SPIDR: variants seen among roughly 807,000 people sequenced by gnomAD.
SPIDR encodes the protein scaffold protein involved in DNA repair.
A neutral mutation model predicts 104.6 loss-of-function variants in SPIDR; 93 were observed. The observed-to-expected ratio is 0.89, with a 90% CI of 0.75 to 1.06. The LOEUF (loss-of-function observed/expected upper bound fraction) is 1.06. Ranked by LOEUF, SPIDR falls within the 50% of genes least tolerant of loss-of-function variation. SPIDR has a pLI of 0.00. For synonymous variants in SPIDR, 431 were observed against 416.9 expected (o/e 1.03, Z -0.41); for missense variants, 1,154 against 1,111.2 (o/e 1.04, Z -0.55).
chr8:47,510,909 C>G, intron 8 of SPIDR: 1 of 534,658 alleles, frequency 1.9e-6, no homozygotes, highest in Non-Finnish European at 3.3e-6. Context: ...GAACCTAGAG[C>G]TGTGGAGGAG....
At chr8:47,496,712 C>A (rs921226553) in intron 8 of SPIDR, among the ~76,000 whole-genome samples, 2 of 143,882 alleles carry the variant, frequency 1.4e-5, no homozygotes, top group African/African-American at 2.6e-5. Flanking sequence ...GAATGAATTC[C>A]CTACTCTTTT....
Position 47,316,810 on chromosome 8 carries a change from G to A in SPIDR, c.525+22780G>A, listed in dbSNP as rs371316231. On this transcript the variant is annotated intron_variant, in intron 5 of 19. Coordinates refer to ENST00000297423, the MANE Select transcript of SPIDR (RefSeq NM_001080394.4). ...ATGTATATGTTAAAACTTATCAAAT[G>A]GTGTGTCTTTTATTGTATATAAAAC... is the stretch of plus-strand genomic sequence containing the variant. Among the ~76,000 whole-genome samples, 26 of 152,080 alleles carry A rather than the reference G, an allele frequency of 1.7e-4. 1 individual carries two copies. Among genetic ancestry groups the A allele is most frequent in the African/African-American group, 6.0e-4 (25 of 41,488 alleles).
At chr8:47,493,042 AGTGTGTGTGT>A (rs60518877) in intron 8 of SPIDR, among the ~76,000 whole-genome samples, 79 of 140,616 alleles carry the variant, frequency 5.6e-4, no homozygotes, top group African/African-American at 1.9e-3. Context: ...AGAGAGAGTG[AGTGTGTGTGT>A]GTGTGTGTGT....
intron 8 of SPIDR, among the ~76,000 whole-genome samples, chr8:47,544,719 T>C (rs2088922995): frequency 6.6e-6 from 1 of 152,228 alleles, no homozygotes; most frequent in South Asian, 2.1e-4. Flanking sequence ...CATCACACAG[T>C]CATGACTACA....
chr8:47,728,964 G>C lies in SPIDR; in HGVS notation c.2467G>C (p.Val823Leu), dbSNP rs560122930. 9 of 1,613,830 alleles carry C rather than the reference G, an allele frequency of 5.6e-6. 1 individual carries two copies. In the South Asian group the frequency reaches 9.9e-5, roughly 18 times the overall value. ...CTTTTCCTGTGGGGACTGCTCCCGG[G>C]TGGTCACATCTCCTGTTCTCAAGAG... ...GAFSCGDCSR[V>L]VTSPVLKRHL... Residue 823 changes from valine to leucine, a missense_variant, in exon 18 of 20, where the codon GTG becomes CTG. Coordinates refer to ENST00000297423, the MANE Select transcript of SPIDR (RefSeq NM_001080394.4).
intron 1 of SPIDR, among the ~76,000 whole-genome samples, chr8:47,270,080 A>G (rs2034978865): frequency 6.6e-6 from 1 of 152,132 alleles, no homozygotes; most frequent in South Asian, 2.1e-4. Context: ...GGATTTTTGC[A>G]TCTATATTCA....
Position 47,410,663 on chromosome 8 carries a change from A to T in SPIDR, c.877+2702A>T, listed in dbSNP as rs1013792073. ...CTTATTATTTAGAGAAGTCTTTTTT[A>T]TTATTATTATTATATTTTAAGTTTT... On this transcript the variant is annotated intron_variant, in intron 7 of 19. Coordinates refer to ENST00000297423, the MANE Select transcript of SPIDR (RefSeq NM_001080394.4). Among the ~76,000 whole-genome samples, 18 of 151,664 alleles carry T rather than the reference A, an allele frequency of 1.2e-4. No individual in the cohort carries two copies. In the South Asian group the frequency reaches 2.7e-3, roughly 23 times the overall value.
chr8:47,542,328 G>C (rs779455436), intron 8 of SPIDR, among the ~76,000 whole-genome samples: 2 of 152,102 alleles, frequency 1.3e-5, no homozygotes, highest in Non-Finnish European at 2.9e-5. Flanking sequence ...GGGTTGTGGT[G>C]AATGTAACCA....
Position 47,697,067 on chromosome 8 carries a change from C to T in SPIDR, c.1686-3336C>T, listed in dbSNP as rs192300356. ...TGAGATGTAAGTGATGTGGTGCCCCCATCCTTACTCTATCTCTCTTGAGGG... is the reference window on the plus strand; with the variant it reads ...TGAGATGTAAGTGATGTGGTGCCCCTATCCTTACTCTATCTCTCTTGAGGG... On this transcript the variant is annotated intron_variant, in intron 11 of 19. Coordinates refer to ENST00000297423, the MANE Select transcript of SPIDR (RefSeq NM_001080394.4). 2.3e-3 allele frequency among the ~76,000 whole-genome samples: 353 copies of T among 152,220 alleles called. 1 individual carries two copies. Among genetic ancestry groups the T allele is most frequent in the African/African-American group, 6.4e-3 (265 of 41,542 alleles).
At chr8:47,637,001 T>C (rs1290741346) in intron 10 of SPIDR, among the ~76,000 whole-genome samples, 1 of 152,154 alleles carries the variant, frequency 6.6e-6, no homozygotes, top group African/African-American at 2.4e-5. Context: ...ACATTCACCA[T>C]TGTCTTCGTA....
chr8:47,597,838 C>T (rs2154424640), intron 9 of SPIDR, among the ~76,000 whole-genome samples: 1 of 152,276 alleles, frequency 6.6e-6, no homozygotes, highest in South Asian at 2.1e-4. Context: ...CCTGGGACCA[C>T]CCTAAGCACT....
At chr8:47,494,078 T>G (rs182670117) in intron 8 of SPIDR, among the ~76,000 whole-genome samples, 163 of 151,824 alleles carry the variant, frequency 1.1e-3, no homozygotes, top group African/African-American at 3.2e-3. Flanking sequence ...AGCCTCCAAC[T>G]CCTGGGCTTA....
intron 14 of SPIDR, among the ~76,000 whole-genome samples, chr8:47,707,761 A>G (rs187022765): frequency 3.5e-4 from 54 of 152,148 alleles, no homozygotes; most frequent in African/African-American, 1.0e-3. Context: ...ATGCATTTGG[A>G]GTTGGGTTTT....
At chr8:47,464,687 T>TCTCCC (rs766869950) in intron 8 of SPIDR, among the ~76,000 whole-genome samples, 6 of 152,010 alleles carry the variant, frequency 3.9e-5, no homozygotes, top group South Asian at 2.1e-4. Flanking sequence ...TGTCCTGTCC[T>TCTCCC]CTCCCCTCCC....
intron 8 of SPIDR, among the ~76,000 whole-genome samples, chr8:47,542,461 C>T (rs920439226): frequency 4.6e-5 from 7 of 152,068 alleles, no homozygotes; most frequent in Non-Finnish European, 1.0e-4. Context: ...TTACCGCTCC[C>T]TTGGAATACC....
At chr8:47,436,514 G>A (rs1217772432) in intron 7 of SPIDR, among the ~76,000 whole-genome samples, 1 of 152,116 alleles carries the variant, frequency 6.6e-6, no homozygotes, top group Non-Finnish European at 1.5e-5. Context: ...TTGAGCCCAG[G>A]ACTTCAAGAC....
At position 47,371,327 on chromosome 8, in the gene SPIDR, C is replaced by T. The variant is rs376160913; in HGVS notation, c.526-25049C>T. Among the ~76,000 whole-genome samples, 466 of 152,242 alleles carry T rather than the reference C, an allele frequency of 3.1e-3. 1 individual carries two copies. The highest frequency in any genetic ancestry group is 0.011 in the African/African-American group (455 of 41,544). On this transcript the variant is annotated intron_variant, in intron 5 of 19. Coordinates refer to ENST00000297423, the MANE Select transcript of SPIDR (RefSeq NM_001080394.4). ...AGAGCATGGACAACCTGGGCTCAGA[C>T]AGCCAGGTTGGAGCCCACTGGTCAC...
At chr8:47,594,653 C>T (rs1024233293) in intron 8 of SPIDR, among the ~76,000 whole-genome samples, 17 of 152,100 alleles carry the variant, frequency 1.1e-4, no homozygotes, top group South Asian at 6.2e-4. Flanking sequence ...TTACTGTTTC[C>T]GGGTTGCTGG....
chr8:47,626,965 A>G (rs1183303053), intron 10 of SPIDR, among the ~76,000 whole-genome samples: 1 of 152,224 alleles, frequency 6.6e-6, no homozygotes, highest in East Asian at 1.9e-4. Flanking sequence ...ACTATTCACA[A>G]TAGCAAAGAC....
Sources: gnomAD v4.1 joint callset for allele counts (sites outside exome capture counted in the v4.1 genomes callset) on GRCh38, gnomAD v4.1.1 for gene constraint, MANE v1.5 for transcripts, NCBI Gene and HGNC (gene_info 2026-07-23, HGNC 2026-07-21) for gene names.